The following OTUD7A variants were observed in gnomAD, a reference collection of about 807,000 sequenced individuals.
OTUD7A encodes the protein OTU domain-containing protein 7A.
Under a neutral mutation model 65.7 loss-of-function variants are expected in OTUD7A, and 12 were observed. The observed-to-expected ratio is 0.18, with a 90% CI of 0.12 to 0.30. The LOEUF is 0.30. Ranked by LOEUF, OTUD7A falls within the 10% of genes least tolerant of loss-of-function variation. The probability of loss-of-function intolerance (pLI) is 1.00; values close to 1 mark genes in which losing one functional copy is unlikely to be tolerated. For synonymous variants in OTUD7A, 641 were observed against 586.3 expected (o/e 1.09, Z -1.35); for missense variants, 1,148 against 1,304.8 (o/e 0.88, Z 1.85).
At chr15:31,719,990 A>G (rs916213417) in intron 1 of OTUD7A, among the ~76,000 whole-genome samples, 16 of 152,226 alleles carry the variant, frequency 1.1e-4, no homozygotes, top group African/African-American at 3.9e-4. Context: ...TATATATGAC[A>G]CATATATACT....
In OTUD7A at chr15:31,478,495, TGG is replaced by T. The variant is rs2041060395; in HGVS notation, c.*4797_*4798del. The T allele has an allele frequency of 6.6e-6, 1 of 152,222 alleles. No homozygotes were observed. Among genetic ancestry groups the T allele is most frequent in the Admixed American group, 6.5e-5 (1 of 15,286 alleles). 9.4% of individuals were successfully genotyped at this position (152,222 alleles called of 1,614,324 possible). ...AAAATGCAATTTTCAACAAATCATT[TGG>T]CAAAATAAATAGAAACAGTAACATT... On this transcript the variant is annotated 3_prime_UTR_variant, in exon 13 of 13. Coordinates refer to ENST00000307050, the MANE Select transcript of OTUD7A (RefSeq NM_001382637.1).
chr15:31,847,617 T>C (rs951426188), intron 1 of OTUD7A, among the ~76,000 whole-genome samples: 5 of 152,202 alleles, frequency 3.3e-5, no homozygotes, highest in African/African-American at 1.2e-4. Context: ...TGAAGAGCTC[T>C]GATAATGTCG....
chr15:31,629,467 T>C (rs1891071522), intron 3 of OTUD7A, among the ~76,000 whole-genome samples: 1 of 152,158 alleles, frequency 6.6e-6, no homozygotes, highest in Non-Finnish European at 1.5e-5. Context: ...TGGATAAGCT[T>C]TTTGAGGTGC....
chr15:31,662,500 T>A (rs1239084531), intron 1 of OTUD7A, among the ~76,000 whole-genome samples: 1 of 152,248 alleles, frequency 6.6e-6, no homozygotes, highest in Non-Finnish European at 1.5e-5. Flanking sequence ...TGAATCAAGT[T>A]CCCTTGACAC....
chr15:31,614,476 A>G (rs1487388455), intron 3 of OTUD7A, among the ~76,000 whole-genome samples: 1 of 152,166 alleles, frequency 6.6e-6, no homozygotes, highest in Non-Finnish European at 1.5e-5. Flanking sequence ...TAGAAACAGT[A>G]TAAGAAAAAA....
intron 1 of OTUD7A, among the ~76,000 whole-genome samples, chr15:31,851,647 T>A (rs1897427902): frequency 6.6e-6 from 1 of 152,198 alleles, no homozygotes; most frequent in South Asian, 2.1e-4. Context: ...ATGGAGGTGA[T>A]CATTTGAACT....
chr15:31,756,529 A>G (rs1894816164), intron 1 of OTUD7A, among the ~76,000 whole-genome samples: 1 of 151,974 alleles, frequency 6.6e-6, no homozygotes, highest in South Asian at 2.1e-4. Flanking sequence ...TCCATCCCCC[A>G]AAGCTAACAT....
chr15:31,779,690 A>C (rs1401241937), intron 1 of OTUD7A, among the ~76,000 whole-genome samples: 1 of 152,132 alleles, frequency 6.6e-6, no homozygotes, highest in Non-Finnish European at 1.5e-5. Context: ...CTTCCTGAAC[A>C]TCGGCCTAGG....
intron 3 of OTUD7A, among the ~76,000 whole-genome samples, chr15:31,654,711 C>A (rs914218101): frequency 6.6e-6 from 1 of 152,152 alleles, no homozygotes; most frequent in African/African-American, 2.4e-5. Context: ...TCTCATGCAG[C>A]AAATGGTATC....
At chr15:31,555,844 C>CTTTTTCTTTTTT (rs1555396067) in intron 5 of OTUD7A, among the ~76,000 whole-genome samples, 28 of 90,446 alleles carry the variant, frequency 3.1e-4, no homozygotes, top group East Asian at 1.0e-3. Flanking sequence ...TACCTCTGTT[C>CTTTTTCTTTTTT]TTTTTCTTTT....
intron 1 of OTUD7A, among the ~76,000 whole-genome samples, chr15:31,666,597 T>C (rs1195625709): frequency 6.6e-6 from 1 of 152,182 alleles, no homozygotes; most frequent in African/African-American, 2.4e-5. Flanking sequence ...TTTTGTTTCA[T>C]TTATCTTTTG....
At chr15:31,769,680 T>G (rs534225911) in intron 1 of OTUD7A, among the ~76,000 whole-genome samples, 2 of 152,360 alleles carry the variant, frequency 1.3e-5, no homozygotes, top group East Asian at 3.9e-4. Flanking sequence ...ATCTCAAATC[T>G]GCTATGCTGA....
chr15:31,646,442 CTTCTTTCTTT>C (rs955440423), intron 3 of OTUD7A, among the ~76,000 whole-genome samples: 6 of 147,716 alleles, frequency 4.1e-5, no homozygotes, highest in African/African-American at 1.5e-4. Flanking sequence ...CCTTTCTTTC[CTTCTTTCTTT>C]TTCTTTCTTT....
At chr15:31,663,003 T>A (rs1220968394) in intron 1 of OTUD7A, among the ~76,000 whole-genome samples, 1 of 152,184 alleles carries the variant, frequency 6.6e-6, no homozygotes, top group African/African-American at 2.4e-5. Flanking sequence ...TTTTCAGTTT[T>A]TTTTAGTTTT....
chr15:31,632,251 G>A (rs1470537064), intron 3 of OTUD7A, among the ~76,000 whole-genome samples: 1 of 151,962 alleles, frequency 6.6e-6, no homozygotes, highest in African/African-American at 2.4e-5. Context: ...TGATGGTGAC[G>A]TACAGAAGGG....
intron 8 of OTUD7A, among the ~76,000 whole-genome samples, chr15:31,522,927 C>T (rs937009312): frequency 1.3e-5 from 2 of 152,196 alleles, no homozygotes; most frequent in African/African-American, 4.8e-5. Flanking sequence ...AGGGGCTGCC[C>T]CATCTGTCTC....
chr15:31,845,549 G>A (rs953888997), intron 1 of OTUD7A, among the ~76,000 whole-genome samples: 13 of 152,360 alleles, frequency 8.5e-5, no homozygotes, highest in Non-Finnish European at 1.8e-4. Context: ...CCGGCTCTGG[G>A]CAGGGGAATC....
At position 31,527,266 on chromosome 15, in the gene OTUD7A, G is replaced by A. The variant is rs2042027869; in HGVS notation, c.695C>T (p.Ala232Val). The A allele has an allele frequency of 6.2e-7, 1 of 1,614,178 alleles. No individual in the cohort carries two copies. Among genetic ancestry groups the A allele is most frequent in the Non-Finnish European group, 8.5e-7 (1 of 1,180,008 alleles). Residue 232 changes from alanine to valine, a missense_variant, in exon 7 of 13, where the codon GCT becomes GTT. This residue lies in a region of OTUD7A where 134 missense variants were observed against 252.6 expected (regional missense o/e 0.53). Coordinates refer to ENST00000307050, the MANE Select transcript of OTUD7A (RefSeq NM_001382637.1). ...TCCCGTCCTCATCATGGTATAGAGA[G>A]CTTTCCGTAACACCAGGTCCCGGTC... ...FHDRDLVLRKALYTMMRTGAE... is the reference protein window; with the variant it reads ...FHDRDLVLRKVLYTMMRTGAE...
chr15:31,493,904 A>C (rs1481970493), intron 10 of OTUD7A, among the ~76,000 whole-genome samples: 1 of 152,244 alleles, frequency 6.6e-6, no homozygotes, highest in African/African-American at 2.4e-5. Context: ...TTAGATGAGA[A>C]AACAGTCTCA....
Sources: gnomAD v4.1 joint callset for allele counts (sites outside exome capture counted in the v4.1 genomes callset) on GRCh38, gnomAD v4.1.1 for gene constraint, gnomAD v4.1.1 regional missense constraint, MANE v1.5 for transcripts, NCBI Gene and HGNC (gene_info 2026-07-23, HGNC 2026-07-21) for gene names.